PIP5K1B: variants seen among roughly 807,000 people sequenced by gnomAD.
PIP5K1B encodes the protein phosphatidylinositol 4-phosphate 5-kinase type-1 beta.
A neutral mutation model predicts 67.0 loss-of-function variants in PIP5K1B; 42 were observed. The ratio of observed to expected loss-of-function variants is 0.63; its 90% CI spans 0.49 to 0.81. PIP5K1B has a LOEUF of 0.81. PIP5K1B is among the 30% of genes least tolerant of loss of function. PIP5K1B has a pLI of 0.00. For missense variants in PIP5K1B, 459 were observed against 646.3 expected (o/e 0.71, Z 3.14); for synonymous variants, 214 against 231.4 (o/e 0.92, Z 0.68).
At chr9:68,963,165 T>C in intron 14 of PIP5K1B, 1 of 456,252 alleles carries the variant, frequency 2.2e-6, no homozygotes. Context: ...AGGACTAATG[T>C]GCAAAAATTA....
At chr9:68,863,188 C>G (rs573964204) in intron 4 of PIP5K1B, among the ~76,000 whole-genome samples, 2 of 152,100 alleles carry the variant, frequency 1.3e-5, no homozygotes, top group Admixed American at 1.3e-4. Context: ...TTGTGATTAC[C>G]AAAAAATGTC....
chr9:68,883,730 T>C (rs991009040), intron 6 of PIP5K1B, among the ~76,000 whole-genome samples: 23 of 152,154 alleles, frequency 1.5e-4, no homozygotes, highest in Non-Finnish European at 3.1e-4. Flanking sequence ...CCTCAAGATA[T>C]GGCTGTTTAT....
intron 14 of PIP5K1B, among the ~76,000 whole-genome samples, chr9:68,972,594 T>G (rs918339624): frequency 2.6e-5 from 4 of 152,080 alleles, no homozygotes; most frequent in Non-Finnish European, 5.9e-5. Context: ...TGAGCTAAGA[T>G]CATACCACTA....
At chr9:68,999,664 G>A (rs1302928365) in intron 15 of PIP5K1B, among the ~76,000 whole-genome samples, 1 of 152,034 alleles carries the variant, frequency 6.6e-6, no homozygotes. Context: ...GTATGCTAAT[G>A]TAAGGGGGAA....
chr9:68,920,565 G>T (rs889085647), intron 11 of PIP5K1B, among the ~76,000 whole-genome samples: 1 of 151,302 alleles, frequency 6.6e-6, no homozygotes, highest in Non-Finnish European at 1.5e-5. Context: ...ACAGGATTTC[G>T]CCATGTTGGC....
At chr9:68,810,879 A>T (rs1014143048) in intron 2 of PIP5K1B, among the ~76,000 whole-genome samples, 1 of 152,240 alleles carries the variant, frequency 6.6e-6, no homozygotes, top group Non-Finnish European at 1.5e-5. Context: ...AAATTGAAAA[A>T]TGCGGTGCAA....
intron 2 of PIP5K1B, chr9:68,781,330 C>G (rs1014537168): frequency 7.7e-6 from 2 of 259,452 alleles, no homozygotes; most frequent in Admixed American, 5.0e-5. Flanking sequence ...TAACTGAGAG[C>G]TCTATTTATT....
chr9:68,915,327 C>T (rs866204983), intron 8 of PIP5K1B, among the ~76,000 whole-genome samples: 3 of 151,794 alleles, frequency 2.0e-5, no homozygotes, highest in African/African-American at 4.8e-5. Context: ...GAAGCTGTCT[C>T]GGGGGGTACT....
chr9:68,739,471 A>AG (rs1828897979), intron 1 of PIP5K1B, among the ~76,000 whole-genome samples: 1 of 152,230 alleles, frequency 6.6e-6, no homozygotes, highest in African/African-American at 2.4e-5. Context: ...CAAAGACAAG[A>AG]GGCCACGTTA....
intron 12 of PIP5K1B, among the ~76,000 whole-genome samples, chr9:68,926,856 C>T (rs946073799): frequency 6.6e-6 from 1 of 152,116 alleles, no homozygotes; most frequent in African/African-American, 2.4e-5. Context: ...CAGGCATGAG[C>T]CACCATGCCC....
At chr9:68,981,017 A>T (rs1337153930) in intron 14 of PIP5K1B, among the ~76,000 whole-genome samples, 1 of 152,168 alleles carries the variant, frequency 6.6e-6, no homozygotes, top group Non-Finnish European at 1.5e-5. Flanking sequence ...AATACTATAA[A>T]CTCTATGTGT....
At chr9:68,759,241 G>T (rs1228168809) in intron 2 of PIP5K1B, among the ~76,000 whole-genome samples, 2 of 152,122 alleles carry the variant, frequency 1.3e-5, no homozygotes, top group African/African-American at 2.4e-5. Flanking sequence ...ATGGTTGAAA[G>T]AAAACAAATG....
chr9:68,794,319 T>A (rs1177990772), intron 2 of PIP5K1B, among the ~76,000 whole-genome samples: 1 of 152,222 alleles, frequency 6.6e-6, no homozygotes, highest in Non-Finnish European at 1.5e-5. Context: ...ATTAAGTGTT[T>A]CACAAGAAAT....
At chr9:68,813,613 G>A (rs1833280368) in intron 2 of PIP5K1B, among the ~76,000 whole-genome samples, 2 of 152,176 alleles carry the variant, frequency 1.3e-5, no homozygotes, top group South Asian at 4.1e-4. Context: ...TTTGGAAATA[G>A]GGTCTTTGCA....
chr9:68,860,484 G>T (rs974457682), intron 4 of PIP5K1B, among the ~76,000 whole-genome samples: 2 of 152,084 alleles, frequency 1.3e-5, no homozygotes, highest in Admixed American at 6.5e-5. Flanking sequence ...CCCGTGGGTG[G>T]GTATGATTGG....
At chr9:68,798,195 T>C (rs566907200) in intron 2 of PIP5K1B, among the ~76,000 whole-genome samples, 2 of 152,362 alleles carry the variant, frequency 1.3e-5, no homozygotes, top group East Asian at 3.9e-4. Context: ...GAAATTTTTG[T>C]TTATGCTTTA....
intron 14 of PIP5K1B, among the ~76,000 whole-genome samples, chr9:68,951,105 C>G (rs1009293637): frequency 3.3e-5 from 5 of 152,272 alleles, no homozygotes; most frequent in Admixed American, 3.3e-4. Context: ...TAATATTAAT[C>G]TAAAATGGAA....
At chr9:68,829,838 C>A (rs1333134170) in intron 4 of PIP5K1B, among the ~76,000 whole-genome samples, 1 of 152,176 alleles carries the variant, frequency 6.6e-6, no homozygotes, top group East Asian at 1.9e-4. Context: ...AAGTAGCATA[C>A]TAATGAGTGA....
At chr9:68,752,090 C>T (rs959127326) in intron 2 of PIP5K1B, among the ~76,000 whole-genome samples, 2 of 151,996 alleles carry the variant, frequency 1.3e-5, no homozygotes, top group African/African-American at 2.4e-5. Context: ...CTTGTTTTCT[C>T]GTTTATAAAA....
Sources: allele counts gnomAD v4.1 joint callset (sites outside exome capture counted in the v4.1 genomes callset), GRCh38; gene constraint gnomAD v4.1.1; transcripts MANE v1.5; gene names NCBI Gene and HGNC (gene_info 2026-07-23, HGNC 2026-07-21).